OR2AJ1: variants seen among roughly 807,000 people sequenced by gnomAD.
The protein encoded by OR2AJ1 is olfactory receptor 2AJ1.
For missense variants in OR2AJ1, 280 were observed against 163.2 expected, an observed-to-expected ratio of 1.72 and a Z score of -3.90; for synonymous variants, 105 against 60.3, an observed-to-expected ratio of 1.74 and a Z score of -3.44.
chr1:247,928,534 T>C (rs1423892067), intron 1 of OR2AJ1, among the ~76,000 whole-genome samples: 8 of 152,188 alleles, frequency 5.3e-5, no homozygotes, highest in Non-Finnish European at 1.2e-4. Flanking sequence ...TGTTTCTATC[T>C]TGTTGCCTGT....
intron 1 of OR2AJ1, 125 bp from the exon 2 acceptor site, chr1:247,933,622 G>A: frequency 2.1e-6 from 1 of 471,392 alleles, no homozygotes; most frequent in Non-Finnish European, 3.7e-6. Flanking sequence ...CTGGCTAAGA[G>A]TATTTTGATG....
intron 1 of OR2AJ1, among the ~76,000 whole-genome samples, chr1:247,931,335 G>A (rs571154432): frequency 1.3e-5 from 2 of 152,256 alleles, no homozygotes; most frequent in South Asian, 2.1e-4. Flanking sequence ...TTTCAAACAC[G>A]GAATTGAGAG....
In OR2AJ1 at chr1:247,934,540, AC is replaced by A. The variant is rs543846603; in HGVS notation, c.773del (p.Thr258AsnfsTer3). On this transcript the variant is annotated frameshift_variant, in exon 2 of 2. Coordinates refer to ENST00000318244, the MANE Select transcript of OR2AJ1 (RefSeq NM_001355235.2). LOFTEE classifies it low-confidence loss of function (END_TRUNC). ...GATGTACTATGGGCCATTTATTTTT[AC>A]ATATATGAGACCTAAATCATACCAC... ...VTMYYGPFIF[T>X]YMRPKSYHTP... 95 of 717,518 alleles carry A rather than the reference AC, an allele frequency of 1.3e-4. No individual in the cohort carries two copies. The East Asian group carries it at 2.4e-3, about 18-fold the overall frequency. 44.4% of individuals were successfully genotyped at this position (717,518 alleles called of 1,614,324 possible).
chr1:247,931,997 C>G (rs1241322832), intron 1 of OR2AJ1, among the ~76,000 whole-genome samples: 2 of 152,220 alleles, frequency 1.3e-5, no homozygotes, highest in African/African-American at 4.8e-5. Context: ...AAGTCTGAAT[C>G]TGTGTGTATC....
intron 1 of OR2AJ1, among the ~76,000 whole-genome samples, chr1:247,925,377 TCATCCTCTTTAAGAGAA>T (rs1437709708): frequency 1.3e-5 from 2 of 151,878 alleles, no homozygotes; most frequent in Admixed American, 6.6e-5. Flanking sequence ...GGGGAGAGAG[TCATCCTCTTTAAGAGAA>T]CAGGAAAGTC....
intron 1 of OR2AJ1, among the ~76,000 whole-genome samples, chr1:247,928,533 C>T (rs7550898): frequency 0.038 from 5,854 of 152,152 alleles, 373 homozygotes; most frequent in African/African-American, 0.13. Context: ...GTGTTTCTAT[C>T]TTGTTGCCTG....
At chr1:247,927,315 T>C (rs1660102493) in intron 1 of OR2AJ1, among the ~76,000 whole-genome samples, 1 of 152,190 alleles carries the variant, frequency 6.6e-6, no homozygotes, top group Non-Finnish European at 1.5e-5. Context: ...GAGAATTCAG[T>C]TCTATCATCA....
rs917289446 is a variant in OR2AJ1, at chr1:247,933,754, A to T, written c.-15A>T. ...TTCATTATTTCTTTTTAGGTTAAAAAATAGAGAATTCATGATGGGCCATCA... is the reference window on the plus strand; with the variant it reads ...TTCATTATTTCTTTTTAGGTTAAAATATAGAGAATTCATGATGGGCCATCA... On this transcript the variant is annotated 5_prime_UTR_variant, in exon 2 of 2. Transcript: ENST00000318244. 1.8e-6 allele frequency: 1 copy of T among 567,956 alleles called. No homozygotes were observed. Among genetic ancestry groups the T allele is most frequent in the Non-Finnish European group, 3.2e-6 (1 of 312,718 alleles). The allele number at this position is 567,956 out of a possible 1,614,324, so 35.2% of individuals were successfully genotyped here. A position where few individuals can be genotyped will look rare whatever the true frequency, so the allele number is the denominator to read the frequency against.
rs1303578142 is a variant in OR2AJ1 at position 247,935,156 on chromosome 1, A to G, written c.*401A>G. The G allele has an allele frequency of 5.9e-6, 1 of 170,192 alleles. No homozygotes were observed. Among genetic ancestry groups the G allele is most frequent in the African/African-American group, 2.4e-5 (1 of 41,576 alleles). The allele number at this position is 170,192 out of a possible 1,614,324, so 10.5% of individuals were successfully genotyped here. On this transcript the variant is annotated 3_prime_UTR_variant, in exon 2 of 2. Transcript: ENST00000318244. Reference sequence around the variant, plus strand: ...ATCATTATTCTTTGCCTGGTTTATCAACACCTTTATTTAGTAAAATTTTAC... The same window carrying G: ...ATCATTATTCTTTGCCTGGTTTATCGACACCTTTATTTAGTAAAATTTTAC...
rs55762045 is a variant in OR2AJ1, at chr1:247,927,497, G to GGTGTGTGTGTGTGTGT, written c.-23+2336_-23+2351dup. Among the ~76,000 whole-genome samples, 17 of 148,438 alleles carry GGTGTGTGTGTGTGTGT rather than the reference G, an allele frequency of 1.1e-4. No homozygotes were observed. The East Asian group carries it at 3.1e-3, about 27-fold the overall frequency. Reference sequence around the variant, plus strand: ...TATTAATCACCTTAAACATTTAGGGGGTGTGTGTGTGTGTGTGTGTGTTGG... The same window carrying GGTGTGTGTGTGTGTGT: ...TATTAATCACCTTAAACATTTAGGGGGTGTGTGTGTGTGTGTGTGTGTGTGTGTGTGTGTGTGTTGG... On this transcript the variant is annotated intron_variant, in intron 1 of 1. Coordinates refer to ENST00000318244, the MANE Select transcript of OR2AJ1 (RefSeq NM_001355235.2).
rs1472331477 is a variant in OR2AJ1 at position 247,933,921 on chromosome 1, T to C, written c.153T>C (p.Ser51=). Residue 51 remains serine, a synonymous_variant, in exon 2 of 2, where the codon AGT becomes AGC. Transcript: ENST00000318244. ...ENTLMILLIR[S]DSRLHTPMYF... is the part of the protein sequence containing the mutation. ...CGCTCATGATCCTCCTCATTCGCAG[T>C]GACTCCCGACTCCACACTCCAATGT... The C allele has an allele frequency of 5.6e-6, 4 of 717,506 alleles. No individual in the cohort carries two copies. In the East Asian group the frequency reaches 1.1e-4, roughly 19 times the overall value. The allele number at this position is 717,506 out of a possible 1,614,324, so 44.4% of individuals were successfully genotyped here.
Position 247,934,429 on chromosome 1 carries a change from A to G in OR2AJ1, c.661A>G (p.Ile221Val), listed in dbSNP as rs1448315451. The change falls in exon 2 of 2, where the codon ATT (isoleucine) becomes GTT (valine). Residue 221 changes from isoleucine to valine, a missense_variant. Transcript: ENST00000318244. ...FSLISASYGQ[I>V]ILTVLQMKSS... The stretch of plus-strand genomic sequence containing the variant: ...CTTGATCTCTGCTTCTTATGGCCAA[A>G]TTATTCTTACTGTCCTCCAGATGAA... 1.8e-5 allele frequency: 13 copies of G among 717,428 alleles called. No individual in the cohort carries two copies. Among genetic ancestry groups the G allele is most frequent in the Middle Eastern group, 2.3e-4 (1 of 4,392 alleles). The allele number at this position is 717,428 out of a possible 1,614,324, so 44.4% of individuals were successfully genotyped here.
At chr1:247,926,680 T>G (rs541457774) in intron 1 of OR2AJ1, among the ~76,000 whole-genome samples, 1 of 152,336 alleles carries the variant, frequency 6.6e-6, no homozygotes, top group African/African-American at 2.4e-5. Context: ...CAACCAGACT[T>G]AGGTTTCCTT....
intron 1 of OR2AJ1, among the ~76,000 whole-genome samples, chr1:247,931,272 A>C (rs1660150206): frequency 6.6e-6 from 1 of 152,210 alleles, no homozygotes; most frequent in Admixed American, 6.5e-5. Flanking sequence ...CTCGTCAAAG[A>C]GTTTCCTGTG....
In OR2AJ1 at chr1:247,934,640, G is replaced by T. The variant is rs1400401035; in HGVS notation, c.872G>T (p.Ser291Ile). ...LTPTLNPFIY[S>I]FRNKDVLAVM... ...CCCACACTCAACCCTTTCATCTACA[G>T]CTTTAGGAATAAAGATGTTCTGGCG... The change falls in exon 2 of 2, where the codon AGC becomes ATC. Residue 291 changes from serine (S) to isoleucine (I), a missense_variant. Physicochemically the swap from Ser to Ile is moderately radical, Grantham distance 142. Coordinates refer to ENST00000318244, the MANE Select transcript of OR2AJ1 (RefSeq NM_001355235.2). The T allele has an allele frequency of 1.4e-6, 1 of 717,664 alleles. No homozygotes were observed. The highest frequency in any genetic ancestry group is 1.5e-5 in the South Asian group (1 of 67,588). 44.5% of individuals were successfully genotyped at this position (717,664 alleles called of 1,614,324 possible). A position where few individuals can be genotyped will look rare whatever the true frequency, so the allele number is the denominator to read the frequency against.
intron 1 of OR2AJ1, among the ~76,000 whole-genome samples, chr1:247,930,121 G>C (rs1660136147): frequency 1.3e-5 from 2 of 152,136 alleles, no homozygotes; most frequent in Non-Finnish European, 2.9e-5. Flanking sequence ...TTAAGCTTAT[G>C]ATAAAGCTTA....
chr1:247,931,904 G>A (rs1169286099), intron 1 of OR2AJ1, among the ~76,000 whole-genome samples: 2 of 152,196 alleles, frequency 1.3e-5, no homozygotes, highest in African/African-American at 4.8e-5. Context: ...TCGGATATAG[G>A]TGTGTTGATT....
chr1:247,928,904 C>A (rs540186695), intron 1 of OR2AJ1, among the ~76,000 whole-genome samples: 1 of 152,242 alleles, frequency 6.6e-6, no homozygotes, highest in East Asian at 1.9e-4. Context: ...ACCATCCTGG[C>A]TAACACGGTG....
chr1:247,930,119 A>C (rs1660136123), intron 1 of OR2AJ1, among the ~76,000 whole-genome samples: 1 of 152,212 alleles, frequency 6.6e-6, no homozygotes, highest in African/African-American at 2.4e-5. Context: ...TTTTAAGCTT[A>C]TGATAAAGCT....
Sources: allele counts gnomAD v4.1 joint callset (sites outside exome capture counted in the v4.1 genomes callset), GRCh38; gene constraint gnomAD v4.1.1; transcripts MANE v1.5; gene names NCBI Gene and HGNC (gene_info 2026-07-23, HGNC 2026-07-21).